Variants in PIWIL4 observed in about 807,000 individuals in gnomAD.
PIWIL4 encodes the protein piwi-like protein 4.
Under a neutral mutation model 100.9 loss-of-function variants are expected in PIWIL4, and 50 were observed. The ratio of observed to expected loss-of-function variants is 0.50; its 90% CI spans 0.39 to 0.63. The LOEUF (loss-of-function observed/expected upper bound fraction) is 0.63. PIWIL4 is among the 20% of genes least tolerant of loss of function. The pLI, the probability that PIWIL4 is intolerant of heterozygous loss-of-function variation, is 0.00. For missense variants in PIWIL4, 887 were observed against 1,043.3 expected (o/e 0.85, Z 2.06); for synonymous variants, 342 against 367.5 (o/e 0.93, Z 0.79).
chr11:94,585,839 C>G (rs1948391518), intron 6 of PIWIL4, among the ~76,000 whole-genome samples: 1 of 152,116 alleles, frequency 6.6e-6, no homozygotes, highest in Non-Finnish European at 1.5e-5. Flanking sequence ...AGGTTGTTAG[C>G]ACAGCCAGAG....
intron 2 of PIWIL4, among the ~76,000 whole-genome samples, chr11:94,572,298 TC>T (rs1287665691): frequency 6.6e-6 from 1 of 152,256 alleles, no homozygotes; most frequent in East Asian, 1.9e-4. Context: ...TTTCATTAGA[TC>T]CCATTTGTCA....
chr11:94,601,885 T>C lies in PIWIL4; in HGVS notation c.1471T>C (p.Cys491Arg). The part of the protein sequence containing the change: ...AQSLNTWLIL[C>R]SDRTEYVAES... Reference sequence around the variant, plus strand: ...GTCTTTGAATACCTGGTTGATTTTATGTAGCGACAGAACTGAATATGTTGC... The same window carrying C: ...GTCTTTGAATACCTGGTTGATTTTACGTAGCGACAGAACTGAATATGTTGC... Residue 491 changes from cysteine (C) to arginine (R), a missense_variant, in exon 12 of 20, where the codon TGT becomes CGT. By Grantham distance (180) the Cys-to-Arg change is radical (BLOSUM62 -3). Transcript: ENST00000299001. The C allele has an allele frequency of 6.2e-7, 1 of 1,614,196 alleles. No individual in the cohort carries two copies. Among genetic ancestry groups the C allele is most frequent in the Non-Finnish European group, 8.5e-7 (1 of 1,180,004 alleles).
chr11:94,608,409 GTC>G lies in PIWIL4; in HGVS notation c.1840-167_1840-166del, dbSNP rs910659106. 3.1e-5 allele frequency: 18 copies of G among 573,986 alleles called. No homozygotes were observed. The African/African-American group carries it at 3.4e-4, about 11-fold the overall frequency. 35.6% of individuals were successfully genotyped at this position (573,986 alleles called of 1,614,324 possible). On this transcript the variant is annotated intron_variant, in intron 14 of 19. Coordinates refer to ENST00000299001, the MANE Select transcript of PIWIL4 (RefSeq NM_152431.3). Reference sequence around the variant, plus strand: ...ACCATATTCTTCCTGCCTTCTTTAAGTCTCTCTCATTTCTGGTTTAATAATCT... The same window carrying G: ...ACCATATTCTTCCTGCCTTCTTTAAGTCTCTCATTTCTGGTTTAATAATCT...
chr11:94,597,649 G>A (rs1209947320), intron 10 of PIWIL4, among the ~76,000 whole-genome samples, 155 bp from the exon 11 acceptor site: 9 of 152,150 alleles, frequency 5.9e-5, no homozygotes, highest in Non-Finnish European at 8.8e-5. Context: ...TCCCAAATGA[G>A]CACAGTTGTC....
At position 94,583,623 on chromosome 11, in the gene PIWIL4, G is replaced by A. The variant is rs1218566461; in HGVS notation, c.635+54G>A. On this transcript the variant is annotated intron_variant, in intron 5 of 19. Transcript: ENST00000299001. The stretch of plus-strand genomic sequence containing the variant: ...TGGGCTAATGATACCTTTCAGCATA[G>A]AGCCTGGGTATTAAAATAATCGACC... The A allele has an allele frequency of 3.7e-6, 6 of 1,602,206 alleles. No homozygotes were observed. In the African/African-American group the frequency reaches 5.4e-5, roughly 14 times the overall value.
chr11:94,607,641 T>A lies in PIWIL4; in HGVS notation c.1839+2T>A. The A allele has an allele frequency of 6.2e-7, 1 of 1,612,076 alleles. No individual in the cohort carries two copies. The highest frequency in any genetic ancestry group is 8.5e-7 in the Non-Finnish European group (1 of 1,179,142). ...GAGCTGTGGGCTGTGGAAATACCTG[T>A]AAGGACCCTGTCACATTTTTTCTAT... is the stretch of plus-strand genomic sequence containing the variant. On this transcript the variant is annotated splice_donor_variant, in intron 14 of 19. Transcript: ENST00000299001. LOFTEE classifies it high-confidence loss of function.
At chr11:94,612,904 GT>G (rs1401453383) in intron 15 of PIWIL4, among the ~76,000 whole-genome samples, 1 of 151,922 alleles carries the variant, frequency 6.6e-6, no homozygotes, top group East Asian at 1.9e-4. Context: ...TTGTGTAGCT[GT>G]TTTTATTAAT....
At chr11:94,596,146 TTTC>T (rs1948555457) in intron 10 of PIWIL4, among the ~76,000 whole-genome samples, 1 of 152,126 alleles carries the variant, frequency 6.6e-6, no homozygotes, top group Non-Finnish European at 1.5e-5. Context: ...ATTTTTTTAC[TTTC>T]TTAAGGTGGA....
chr11:94,597,654 G>C, intron 10 of PIWIL4, 150 bp from the exon 11 acceptor site: 1 of 583,326 alleles, frequency 1.7e-6, no homozygotes. Flanking sequence ...AATGAGCACA[G>C]TTGTCCCGTA....
At chr11:94,567,638 T>G in intron 1 of PIWIL4, 33 bp downstream of exon 1, 2 of 1,553,176 alleles carry the variant, frequency 1.3e-6, no homozygotes, top group Non-Finnish European at 1.7e-6. Context: ...ATGGTTTCGT[T>G]TTCTCCTACC....
chr11:94,588,774 G>C (rs1948439611), intron 7 of PIWIL4, among the ~76,000 whole-genome samples: 1 of 152,180 alleles, frequency 6.6e-6, no homozygotes. Context: ...AGTGACACCA[G>C]AAGATAATGG....
In PIWIL4 at chr11:94,613,576, C is replaced by T. The variant is rs181247376; in HGVS notation, c.1944-2917C>T. ...ATCTCTGTTCTCCTTTTGAAACTTT[C>T]GTAATGCAAATGTTAGCCCTCTTTA... On this transcript the variant is annotated intron_variant, in intron 15 of 19. Transcript: ENST00000299001. Among the ~76,000 whole-genome samples, 8 of 152,256 alleles carry T rather than the reference C, an allele frequency of 5.3e-5. No individual in the cohort carries two copies. In the East Asian group the frequency reaches 1.5e-3, roughly 29 times the overall value.
At chr11:94,598,260 T>C (rs1482451852) in intron 11 of PIWIL4, among the ~76,000 whole-genome samples, 1 of 152,216 alleles carries the variant, frequency 6.6e-6, no homozygotes, top group African/African-American at 2.4e-5. Context: ...TTAGTTCTAA[T>C]AGATTGTTTT....
intron 15 of PIWIL4, among the ~76,000 whole-genome samples, chr11:94,612,246 G>A (rs7926749): frequency 0.019 from 2,869 of 150,696 alleles, 40 homozygotes; most frequent in East Asian, 0.083. Flanking sequence ...GCATACATAC[G>A]TAAAATTGAT....
Position 94,597,870 on chromosome 11 carries a change from T to C in PIWIL4, c.1335T>C (p.Thr445=). The C allele has an allele frequency of 6.2e-7, 1 of 1,614,076 alleles. No individual in the cohort carries two copies. Among genetic ancestry groups the C allele is most frequent in the South Asian group, 1.1e-5 (1 of 91,086 alleles). Reference sequence around the variant, plus strand: ...ATTTTGGAAGCCAGATATCTCTGACTGGCCGGATTGTGCCTTCAGAAAAAA... The same window carrying C: ...ATTTTGGAAGCCAGATATCTCTGACCGGCCGGATTGTGCCTTCAGAAAAAA... ...GLHFGSQISL[T]GRIVPSEKIL... Residue 445 remains threonine, a synonymous_variant, in exon 11 of 20, where the codon ACT becomes ACC. Transcript: ENST00000299001.
In PIWIL4 at chr11:94,589,103, A is replaced by G. The variant is rs200136476; in HGVS notation, c.915-18A>G. Reference sequence around the variant, plus strand: ...TAGATGATTAAAAAACAATTTAAAGACTTTTTATATTTGGCAGATACAATA... The same window carrying G: ...TAGATGATTAAAAAACAATTTAAAGGCTTTTTATATTTGGCAGATACAATA... On this transcript the variant is annotated intron_variant, in intron 7 of 19. Transcript: ENST00000299001. The G allele has an allele frequency of 6.4e-7, 1 of 1,562,330 alleles. No homozygotes were observed. The highest frequency in any genetic ancestry group is 8.8e-7 in the Non-Finnish European group (1 of 1,136,364).
At position 94,575,112 on chromosome 11, in the gene PIWIL4, G is replaced by A. The variant is rs759993848; in HGVS notation, c.280G>A (p.Val94Met). The A allele has an allele frequency of 1.2e-6, 2 of 1,613,624 alleles. No individual in the cohort carries two copies. The highest frequency in any genetic ancestry group is 1.7e-6 in the Non-Finnish European group (2 of 1,179,882). Residue 94 changes from valine to methionine, a missense_variant, in exon 3 of 20, where the codon GTG (valine) becomes ATG (methionine). Physicochemically the swap from Val to Met is conservative, Grantham distance 21. Coordinates refer to ENST00000299001, the MANE Select transcript of PIWIL4 (RefSeq NM_152431.3). ...SICTREKLAH[V>M]RNCKTGSSGI... ...CTGTACCAGAGAAAAATTGGCACAT[G>A]TGAGAAATTGTAAAACAGGTACCCA...
At chr11:94,583,249 T>G (rs1281417518) in intron 4 of PIWIL4, among the ~76,000 whole-genome samples, 199 bp from the exon 5 acceptor site, 1 of 152,112 alleles carries the variant, frequency 6.6e-6, no homozygotes, top group Non-Finnish European at 1.5e-5. Context: ...AGTAGAGAGA[T>G]GTGTTGTTTT....
chr11:94,603,160 G>A (rs942601887), intron 12 of PIWIL4, among the ~76,000 whole-genome samples: 10 of 152,218 alleles, frequency 6.6e-5, no homozygotes, highest in East Asian at 1.9e-4. Context: ...GTCAGAGTGC[G>A]AGAGTTTGAA....
Sources: allele counts gnomAD v4.1 joint callset (sites outside exome capture counted in the v4.1 genomes callset), GRCh38; gene constraint gnomAD v4.1.1; transcripts MANE v1.5; gene names NCBI Gene and HGNC (gene_info 2026-07-23, HGNC 2026-07-21).